The following GALNTL6 variants were observed in gnomAD, a reference collection of about 807,000 sequenced individuals.
GALNTL6 encodes polypeptide N-acetylgalactosaminyltransferase-like 6.
GALNTL6 carries 46 observed loss-of-function variants against 73.7 expected under a neutral mutation model. The observed-to-expected ratio is 0.62, with a 90% CI of 0.49 to 0.80. GALNTL6 has a LOEUF of 0.80. Ranked by LOEUF, GALNTL6 falls within the 30% of genes least tolerant of loss-of-function variation. The probability of loss-of-function intolerance (pLI) is 0.00; values close to 1 mark genes in which losing one functional copy is unlikely to be tolerated. For synonymous variants in GALNTL6, 259 were observed against 263.7 expected, an observed-to-expected ratio of 0.98 and a Z score of 0.17; for missense variants, 604 against 755.0, an observed-to-expected ratio of 0.80 and a Z score of 2.34.
Position 172,515,689 on chromosome 4 carries a change from G to A in GALNTL6, c.553+167000G>A, listed in dbSNP as rs139826919. On this transcript the variant is annotated intron_variant, in intron 5 of 12. Coordinates refer to ENST00000506823, the MANE Select transcript of GALNTL6 (RefSeq NM_001034845.3). ...ACCCCCTTTCGGGCAAGGTGGAGAG[G>A]CCTTTATAACCAGCACCTCCTATTG... Among the ~76,000 whole-genome samples the A allele has an allele frequency of 3.8e-4, 58 of 152,322 alleles. 1 individual carries two copies. Among genetic ancestry groups the A allele is most frequent in the African/African-American group, 1.4e-3 (57 of 41,576 alleles).
At chr4:172,555,510 A>G (rs1470995827) in intron 5 of GALNTL6, among the ~76,000 whole-genome samples, 2 of 152,126 alleles carry the variant, frequency 1.3e-5, no homozygotes, top group Non-Finnish European at 2.9e-5. Context: ...CACACATTAA[A>G]TAAGTGACAT....
rs903858146 is a variant in GALNTL6 at position 172,094,449 on chromosome 4, GA to G, written c.139-135201del. On this transcript the variant is annotated intron_variant, in intron 2 of 12. Transcript: ENST00000506823. ...ACTCTAGGTTAATCTCAAAATTGGG[GA>G]AAAAACTTATCTTATTAAAAGTGCA... Among the ~76,000 whole-genome samples the G allele has an allele frequency of 5.3e-5, 8 of 151,976 alleles. No homozygotes were observed. The South Asian group carries it at 1.5e-3, about 28-fold the overall frequency.
intron 7 of GALNTL6, among the ~76,000 whole-genome samples, chr4:172,820,744 A>G (rs11132971): frequency 1.3e-5 from 2 of 152,322 alleles, no homozygotes; most frequent in East Asian, 3.9e-4. Context: ...CAAATTTTGC[A>G]TGATCTCCAT....
chr4:172,959,039 C>A (rs1019679499), intron 10 of GALNTL6, among the ~76,000 whole-genome samples: 1 of 152,248 alleles, frequency 6.6e-6, no homozygotes, highest in East Asian at 1.9e-4. Flanking sequence ...AGTTTATAGG[C>A]TTTAAAAGGC....
At chr4:171,987,883 G>A (rs1049791185) in intron 2 of GALNTL6, among the ~76,000 whole-genome samples, 28 of 152,166 alleles carry the variant, frequency 1.8e-4, no homozygotes, top group African/African-American at 5.8e-4. Context: ...TGGGGGTCAG[G>A]TGTGGTATCA....
intron 5 of GALNTL6, among the ~76,000 whole-genome samples, chr4:172,620,259 C>T (rs775423450): frequency 1.3e-5 from 2 of 151,772 alleles, no homozygotes; most frequent in Non-Finnish European, 2.9e-5. Flanking sequence ...TATTTTTTAC[C>T]GTGCAGAATT....
intron 2 of GALNTL6, among the ~76,000 whole-genome samples, chr4:172,092,213 A>C (rs1732225677): frequency 6.6e-6 from 1 of 152,170 alleles, no homozygotes; most frequent in South Asian, 2.1e-4. Context: ...CATGCAATTA[A>C]AAATCAAATT....
chr4:172,270,729 T>TGATAGATA (rs34612752), intron 3 of GALNTL6, among the ~76,000 whole-genome samples: 6 of 151,582 alleles, frequency 4.0e-5, no homozygotes, highest in Non-Finnish European at 7.4e-5. Flanking sequence ...GGTAGGTAGA[T>TGATAGATA]GATAGATAGA....
intron 2 of GALNTL6, among the ~76,000 whole-genome samples, chr4:171,828,597 T>C (rs781371614): frequency 1.3e-5 from 2 of 152,126 alleles, no homozygotes; most frequent in African/African-American, 2.4e-5. Context: ...GCTACATGTC[T>C]TTTCTCTTCC....
chr4:172,721,944 G>A (rs1735498595), intron 5 of GALNTL6, among the ~76,000 whole-genome samples: 1 of 150,932 alleles, frequency 6.6e-6, no homozygotes, highest in Admixed American at 6.6e-5. Flanking sequence ...GAAGAATTTT[G>A]TTGCTTAGTA....
intron 5 of GALNTL6, among the ~76,000 whole-genome samples, chr4:172,577,624 G>T (rs1186141348): frequency 6.6e-6 from 1 of 151,962 alleles, no homozygotes; most frequent in Non-Finnish European, 1.5e-5. Context: ...GTTTCTCCCG[G>T]TGGCTGTTTA....
At position 172,985,675 on chromosome 4, in the gene GALNTL6, G is replaced by A. The variant is rs114970041; in HGVS notation, c.1372-23503G>A. Among the ~76,000 whole-genome samples the A allele has an allele frequency of 9.1e-3, 1,393 of 152,306 alleles. 16 individuals carry two copies. Among genetic ancestry groups the A allele is most frequent in the Non-Finnish European group, 0.016 (1,064 of 68,026 alleles). On this transcript the variant is annotated intron_variant, in intron 10 of 12. Transcript: ENST00000506823. ...GAAATGAGGAATGCTGAATGGTAGG[G>A]TGGGAATGAAATAATAGGAAGTCAA... is the stretch of plus-strand genomic sequence containing the variant.
intron 7 of GALNTL6, among the ~76,000 whole-genome samples, chr4:172,822,574 T>G (rs1346250830): frequency 6.6e-6 from 1 of 152,174 alleles, no homozygotes; most frequent in Non-Finnish European, 1.5e-5. Context: ...ACTTCTGATC[T>G]CATTCTTGGT....
At chr4:171,840,910 A>ATTCTCT (rs1735224678) in intron 2 of GALNTL6, among the ~76,000 whole-genome samples, 2 of 152,154 alleles carry the variant, frequency 1.3e-5, no homozygotes, top group Non-Finnish European at 1.5e-5. Context: ...CTAAAAGCTT[A>ATTCTCT]ATTACTGAGA....
chr4:172,093,167 C>T lies in GALNTL6; in HGVS notation c.139-136489C>T, dbSNP rs944916319. On this transcript the variant is annotated intron_variant, in intron 2 of 12. Coordinates refer to ENST00000506823, the MANE Select transcript of GALNTL6 (RefSeq NM_001034845.3). ...AATTACAGGCGTGAGCCACTGCTCCCGGCCATAAAGTTAATTTTAATAAAA... is the reference window on the plus strand; with the variant it reads ...AATTACAGGCGTGAGCCACTGCTCCTGGCCATAAAGTTAATTTTAATAAAA... Among the ~76,000 whole-genome samples the T allele has an allele frequency of 4.6e-5, 7 of 152,086 alleles. No individual in the cohort carries two copies. The South Asian group carries it at 6.2e-4, about 14-fold the overall frequency.
intron 5 of GALNTL6, among the ~76,000 whole-genome samples, chr4:172,387,746 T>C (rs773470160): frequency 6.6e-6 from 1 of 152,088 alleles, no homozygotes; most frequent in Admixed American, 6.5e-5. Flanking sequence ...TCTTGTCCCC[T>C]GTCTCTTCAC....
chr4:171,868,930 C>T lies in GALNTL6; in HGVS notation c.138+54212C>T, dbSNP rs537603176. Among the ~76,000 whole-genome samples the T allele has an allele frequency of 2.7e-4, 41 of 152,324 alleles. No homozygotes were observed. The South Asian group carries it at 6.4e-3, about 24-fold the overall frequency. On this transcript the variant is annotated intron_variant, in intron 2 of 12. Coordinates refer to ENST00000506823, the MANE Select transcript of GALNTL6 (RefSeq NM_001034845.3). ...TCCTGACCTCAGGTGATCCACCCTC[C>T]TCGGCCTGCCAAAGTGCTGGGATTA... is the stretch of plus-strand genomic sequence containing the variant.
At chr4:172,088,778 A>C (rs1732118213) in intron 2 of GALNTL6, among the ~76,000 whole-genome samples, 1 of 152,212 alleles carries the variant, frequency 6.6e-6, no homozygotes, top group Non-Finnish European at 1.5e-5. Context: ...GAACAGATTA[A>C]TCCTGTGCTC....
At chr4:172,898,447 TTTAAAAAAAAAAAAAAGATCTCATAAAA>T (rs1363515799) in intron 8 of GALNTL6, among the ~76,000 whole-genome samples, 1 of 150,456 alleles carries the variant, frequency 6.6e-6, no homozygotes, top group African/African-American at 2.4e-5. Context: ...CAAGATGGTA[TTTAAAAAAAAAAAAAAGATCTCATAAAA>T]TAAAACTTTT....
Sources: allele counts gnomAD v4.1 joint callset (sites outside exome capture counted in the v4.1 genomes callset), GRCh38; gene constraint gnomAD v4.1.1; transcripts MANE v1.5; gene names NCBI Gene and HGNC (gene_info 2026-07-23, HGNC 2026-07-21).